LDB2: variants seen among roughly 807,000 people sequenced by gnomAD.
LDB2 encodes LIM domain binding 2.
Under a neutral mutation model 44.3 loss-of-function variants are expected in LDB2, and 12 were observed. The ratio of observed to expected loss-of-function variants is 0.27; its 90% CI spans 0.17 to 0.44. The LOEUF is 0.44. LDB2 is among the 20% of genes least tolerant of loss of function. LDB2 has a pLI of 1.00. For missense variants in LDB2, 344 were observed against 473.5 expected (o/e 0.73, Z 2.54); for synonymous variants, 164 against 174.8 (o/e 0.94, Z 0.49).
intron 1 of LDB2, among the ~76,000 whole-genome samples, chr4:16,886,799 G>A (rs980387358): frequency 2.0e-5 from 3 of 151,938 alleles, no homozygotes; most frequent in Non-Finnish European, 2.9e-5. Context: ...TTGGGAGGCC[G>A]AGGCAGGCAG....
At chr4:16,581,319 G>C (rs1012005442) in intron 5 of LDB2, 1 of 746,782 alleles carries the variant, frequency 1.3e-6, no homozygotes, top group Non-Finnish European at 1.6e-6. Context: ...AACTTGCCCA[G>C]GGTCACACAG....
At chr4:16,644,506 C>T (rs1193418942) in intron 2 of LDB2, among the ~76,000 whole-genome samples, 1 of 150,970 alleles carries the variant, frequency 6.6e-6, no homozygotes, top group Non-Finnish European at 1.5e-5. Context: ...TGGCTCACTG[C>T]AACCTCTGCC....
At chr4:16,636,423 C>T (rs1435056181) in intron 2 of LDB2, among the ~76,000 whole-genome samples, 1 of 152,214 alleles carries the variant, frequency 6.6e-6, no homozygotes. Context: ...ACCTAACAGG[C>T]AGTAGGCCCA....
chr4:16,606,886 T>C (rs550138394), intron 2 of LDB2, among the ~76,000 whole-genome samples: 1 of 152,334 alleles, frequency 6.6e-6, no homozygotes, highest in Admixed American at 6.5e-5. Flanking sequence ...ATCAACACGA[T>C]TCATCTGGGT....
At chr4:16,673,069 C>G (rs745419514) in intron 2 of LDB2, among the ~76,000 whole-genome samples, 23 of 151,930 alleles carry the variant, frequency 1.5e-4, no homozygotes, top group Non-Finnish European at 2.8e-4. Context: ...TTTTCTTTCA[C>G]CAGCTCACTG....
chr4:16,799,903 A>G (rs529697438), intron 1 of LDB2, among the ~76,000 whole-genome samples: 3 of 152,308 alleles, frequency 2.0e-5, no homozygotes, highest in East Asian at 3.9e-4. Flanking sequence ...TGAAATTCCA[A>G]TTTCCCCAGG....
intron 1 of LDB2, among the ~76,000 whole-genome samples, chr4:16,835,876 G>A (rs1178994091): frequency 6.6e-6 from 1 of 152,188 alleles, no homozygotes; most frequent in Non-Finnish European, 1.5e-5. Flanking sequence ...TGCTCTACCA[G>A]ATAGAGCTCA....
At chr4:16,842,186 G>A (rs1258911080) in intron 1 of LDB2, among the ~76,000 whole-genome samples, 9 of 152,032 alleles carry the variant, frequency 5.9e-5, no homozygotes, top group Non-Finnish European at 1.5e-5. Flanking sequence ...ACCCAAGCCC[G>A]GACTCCCAAT....
At position 16,502,861 on chromosome 4, in the gene LDB2, C is replaced by T; in HGVS notation, c.904G>A (p.Val302Ile). Residue 302 changes from valine to isoleucine, a missense_variant, in exon 8 of 8, where the codon GTA (valine) becomes ATA (isoleucine). This residue lies in a region of LDB2 where 86 missense variants were observed against 171.2 expected (regional missense o/e 0.50). Transcript: ENST00000304523. ...CCTCCCATCAGAGTTGGCTCTCCTA[C>T]CACCATCACATCCTGTGAACAGCAG... is the stretch of plus-strand genomic sequence containing the variant. ...LSSQVPDVMV[V>I]GEPTLMGGEF... 6.2e-7 allele frequency: 1 copy of T among 1,614,010 alleles called. No homozygotes were observed.
At chr4:16,720,790 T>C (rs1293109392) in intron 2 of LDB2, among the ~76,000 whole-genome samples, 2 of 152,178 alleles carry the variant, frequency 1.3e-5, no homozygotes, top group Non-Finnish European at 2.9e-5. Flanking sequence ...TACTAAGGAA[T>C]TACCATGTTG....
intron 4 of LDB2, 78 bp from the exon 5 acceptor site, chr4:16,586,083 G>A (rs1716688980): frequency 5.0e-6 from 5 of 1,000,410 alleles, no homozygotes; most frequent in African/African-American, 1.6e-5. Context: ...TGCTACAGCT[G>A]CTAAGAAATG....
intron 2 of LDB2, among the ~76,000 whole-genome samples, chr4:16,602,075 A>T (rs1038317286): frequency 6.6e-6 from 1 of 152,108 alleles, no homozygotes; most frequent in Admixed American, 6.5e-5. Context: ...TATTTTCTCA[A>T]ACTAATTTAC....
At chr4:16,534,869 T>C (rs774208008) in intron 5 of LDB2, among the ~76,000 whole-genome samples, 7 of 152,094 alleles carry the variant, frequency 4.6e-5, no homozygotes, top group Admixed American at 2.6e-4. Context: ...TACCCTGAGG[T>C]CTCTCAGCTC....
intron 2 of LDB2, among the ~76,000 whole-genome samples, chr4:16,643,822 T>C (rs1735899026): frequency 1.3e-5 from 2 of 152,318 alleles, no homozygotes; most frequent in African/African-American, 2.4e-5. Context: ...ACGAATAAAC[T>C]TAGCATATTA....
intron 2 of LDB2, among the ~76,000 whole-genome samples, chr4:16,718,994 A>G (rs1170552618): frequency 6.6e-6 from 1 of 152,130 alleles, no homozygotes; most frequent in Admixed American, 6.6e-5. Context: ...TACACGTTGT[A>G]GCAAATTGTA....
chr4:16,552,397 A>G lies in LDB2; in HGVS notation c.615+33525T>C, dbSNP rs114959005. Among the ~76,000 whole-genome samples, 530 of 152,284 alleles carry G rather than the reference A, an allele frequency of 3.5e-3. 6 individuals carry two copies. Among genetic ancestry groups the G allele is most frequent in the African/African-American group, 0.012 (504 of 41,552 alleles). ...GAATTATAATAAAAGTTTGCTCTTA[A>G]AAAACTAAAAATATCCAGGTTTTTC... On this transcript the variant is annotated intron_variant, in intron 5 of 7. Transcript: ENST00000304523.
At position 16,629,285 on chromosome 4, in the gene LDB2, T is replaced by C. The variant is rs977338623; in HGVS notation, c.236-33410A>G. ...GAAGAGAGCAGTGTTTCTCCCAGCA[T>C]GGAGTTCAAGCTCCAAAAATGGACA... is the stretch of plus-strand genomic sequence containing the variant. On this transcript the variant is annotated intron_variant, in intron 2 of 7. Transcript: ENST00000304523. 7.2e-5 allele frequency among the ~76,000 whole-genome samples: 11 copies of C among 152,334 alleles called. No individual in the cohort carries two copies. In the East Asian group the frequency reaches 1.7e-3, roughly 24 times the overall value.
intron 1 of LDB2, among the ~76,000 whole-genome samples, chr4:16,856,943 G>T (rs1163674104): frequency 2.6e-5 from 4 of 152,132 alleles, no homozygotes; most frequent in Admixed American, 1.3e-4. Flanking sequence ...ATTTGATCTG[G>T]TTTGTGTCTT....
chr4:16,565,109 C>T (rs978517620), intron 5 of LDB2, among the ~76,000 whole-genome samples: 4 of 151,964 alleles, frequency 2.6e-5, no homozygotes, highest in African/African-American at 7.3e-5. Flanking sequence ...TCTATCATGA[C>T]GAAATTAGTT....
Sources: gnomAD v4.1 joint callset for allele counts (sites outside exome capture counted in the v4.1 genomes callset) on GRCh38, gnomAD v4.1.1 for gene constraint, gnomAD v4.1.1 regional missense constraint, MANE v1.5 for transcripts, NCBI Gene and HGNC (gene_info 2026-07-23, HGNC 2026-07-21) for gene names.